Variants in TBC1D14 observed in about 807,000 individuals in gnomAD.
TBC1D14 encodes TBC1 domain family, member 14.
TBC1D14 carries 26 observed loss-of-function variants against 79.0 expected under a neutral mutation model. That is an observed-to-expected ratio of 0.33 (90% CI 0.24 to 0.46). The LOEUF (loss-of-function observed/expected upper bound fraction) is 0.46. Among genes scored for constraint, TBC1D14 ranks in the 20% least tolerant of loss-of-function variants. TBC1D14 has a pLI of 1.00. For missense variants in TBC1D14, 769 were observed against 887.6 expected (o/e 0.87, Z 1.70); for synonymous variants, 394 against 349.9 (o/e 1.13, Z -1.40).
At chr4:6,990,284 A>G (rs535547265) in intron 3 of TBC1D14, among the ~76,000 whole-genome samples, 2 of 152,280 alleles carry the variant, frequency 1.3e-5, no homozygotes, top group Non-Finnish European at 2.9e-5. Flanking sequence ...CCCTGTCTCT[A>G]CTAAAAATAC....
At position 6,996,822 on chromosome 4, in the gene TBC1D14, C is replaced by T. The variant is rs1719102267; in HGVS notation, c.1045+415C>T. Among the ~76,000 whole-genome samples, 4 of 152,208 alleles carry T rather than the reference C, an allele frequency of 2.6e-5. No homozygotes were observed. The South Asian group carries it at 8.3e-4, about 32-fold the overall frequency. On this transcript the variant is annotated intron_variant, in intron 5 of 13. Transcript: ENST00000409757. ...GGTAGCTTTATTCAAGAGAAAAGCA[C>T]TTTGAACTGACGTGAGAAAAGTGAC...
At chr4:7,001,280 C>A in intron 7 of TBC1D14, 29 bp downstream of exon 7, 1 of 1,564,018 alleles carries the variant, frequency 6.4e-7, no homozygotes, top group South Asian at 1.1e-5. Flanking sequence ...CCTGGGGAGT[C>A]CACCTCCAGG....
intron 12 of TBC1D14, among the ~76,000 whole-genome samples, chr4:7,017,907 G>A (rs1330340488): frequency 2.0e-5 from 3 of 152,188 alleles, no homozygotes; most frequent in Non-Finnish European, 4.4e-5. Context: ...CTGACAGTTC[G>A]GTGAAAGCTC....
chr4:6,970,412 A>G (rs1716119303), intron 3 of TBC1D14, among the ~76,000 whole-genome samples: 2 of 152,228 alleles, frequency 1.3e-5, no homozygotes, highest in South Asian at 4.1e-4. Context: ...ACACACACGC[A>G]CTCAGAATAG....
At chr4:6,956,623 C>T (rs761776934) in intron 2 of TBC1D14, among the ~76,000 whole-genome samples, 9 of 152,252 alleles carry the variant, frequency 5.9e-5, no homozygotes, top group Admixed American at 3.3e-4. Context: ...GCCCAGGGAC[C>T]GGGGTTGCTT....
intron 3 of TBC1D14, among the ~76,000 whole-genome samples, chr4:6,984,131 T>A (rs1032735294): frequency 6.9e-6 from 1 of 143,984 alleles, no homozygotes; most frequent in African/African-American, 2.5e-5. Context: ...TGGGGTGGGT[T>A]GGGAAGACTC....
chr4:6,995,959 C>T (rs998584096), intron 4 of TBC1D14, among the ~76,000 whole-genome samples: 39 of 152,218 alleles, frequency 2.6e-4, no homozygotes, highest in African/African-American at 7.7e-4. Flanking sequence ...GCCTCAGCCT[C>T]CTGATTAGCT....
At position 7,014,444 on chromosome 4, in the gene TBC1D14, C is replaced by T; in HGVS notation, c.1648-4C>T. ...TCTGAGTAAATTTCATATTATCTCC[C>T]TAGATGTTGACTTATTTTGCTGCAT... On this transcript the variant is annotated splice_polypyrimidine_tract_variant and splice_region_variant and intron_variant, in intron 11 of 13. Transcript: ENST00000409757. 1 of 1,598,752 alleles carries T rather than the reference C, an allele frequency of 6.3e-7. No homozygotes were observed. Among genetic ancestry groups the T allele is most frequent in the Non-Finnish European group, 8.6e-7 (1 of 1,166,552 alleles).
At chr4:7,004,744 G>A (rs1200929143) in intron 7 of TBC1D14, 100 bp from the exon 8 acceptor site, 2 of 1,098,550 alleles carry the variant, frequency 1.8e-6, no homozygotes, top group Non-Finnish European at 1.4e-6. Context: ...GCCTATTATA[G>A]TTGAACTTAA....
chr4:6,956,182 C>T (rs558531245), intron 2 of TBC1D14, among the ~76,000 whole-genome samples: 3 of 152,254 alleles, frequency 2.0e-5, no homozygotes, highest in Admixed American at 6.5e-5. Flanking sequence ...TTAGAGAATT[C>T]CCCAAACTGT....
At chr4:6,993,623 G>A (rs1014104105) in intron 3 of TBC1D14, among the ~76,000 whole-genome samples, 2 of 152,214 alleles carry the variant, frequency 1.3e-5, no homozygotes, top group Non-Finnish European at 2.9e-5. Context: ...CCTCAAAGGG[G>A]CTGCTTTGAT....
At chr4:6,973,144 T>G (rs1480614773) in intron 3 of TBC1D14, among the ~76,000 whole-genome samples, 1 of 152,218 alleles carries the variant, frequency 6.6e-6, no homozygotes, top group Non-Finnish European at 1.5e-5. Flanking sequence ...GTACATGGCC[T>G]GTTGTGTTAG....
At chr4:6,931,278 G>A (rs1711693819) in intron 2 of TBC1D14, among the ~76,000 whole-genome samples, 1 of 152,212 alleles carries the variant, frequency 6.6e-6, no homozygotes, top group South Asian at 2.1e-4. Flanking sequence ...TTTGTACCAG[G>A]TGGATTTTCA....
chr4:7,009,843 G>T, intron 9 of TBC1D14, 34 bp from the exon 10 acceptor site: 1 of 1,609,374 alleles, frequency 6.2e-7, no homozygotes. Flanking sequence ...CAGTACTCAT[G>T]CATGTGTTGT....
intron 13 of TBC1D14, among the ~76,000 whole-genome samples, chr4:7,026,112 C>T (rs1722345247): frequency 6.6e-6 from 1 of 151,758 alleles, no homozygotes; most frequent in Non-Finnish European, 1.5e-5. Flanking sequence ...GCTCAGGTGA[C>T]CATCCCACCT....
Position 7,010,686 on chromosome 4 carries a change from A to T in TBC1D14, c.1552A>T (p.Ile518Phe), listed in dbSNP as rs778558174. 1.9e-6 allele frequency: 3 copies of T among 1,613,890 alleles called. No homozygotes were observed. In the South Asian group the frequency reaches 3.3e-5, roughly 18 times the overall value. Residue 518 changes from isoleucine to phenylalanine, a missense_variant, in exon 11 of 14, where the codon ATC becomes TTC. Physicochemically the swap from Ile to Phe is conservative, Grantham distance 21 (BLOSUM62 0). Coordinates refer to ENST00000409757, the MANE Select transcript of TBC1D14 (RefSeq NM_020773.3). Reference protein sequence around the residue: ...QGMSFIAAVLILNLDTADAFI... With the variant: ...QGMSFIAAVLFLNLDTADAFI... ...CATGTCCTTCATAGCAGCAGTGTTG[A>T]TCTTGAACTTAGATACTGCAGATGC...
At chr4:7,026,721 A>AC (rs1391968964) in intron 13 of TBC1D14, among the ~76,000 whole-genome samples, 9 of 152,078 alleles carry the variant, frequency 5.9e-5, no homozygotes, top group African/African-American at 2.2e-4. Flanking sequence ...ACATAGTGAG[A>AC]CCCCGTCTCT....
At chr4:7,015,316 C>T (rs16839532) in intron 12 of TBC1D14, among the ~76,000 whole-genome samples, 5,640 of 152,028 alleles carry the variant, frequency 0.037, 358 homozygotes, top group African/African-American at 0.13. Context: ...GAGAAGGCCC[C>T]GTGGAAATAT....
intron 3 of TBC1D14, among the ~76,000 whole-genome samples, chr4:6,984,576 C>T (rs1172392160): frequency 6.6e-6 from 1 of 152,122 alleles, no homozygotes; most frequent in Non-Finnish European, 1.5e-5. Context: ...TTATCAAATA[C>T]TCAAATGATA....
Sources: gnomAD v4.1 joint callset for allele counts (sites outside exome capture counted in the v4.1 genomes callset) on GRCh38, gnomAD v4.1.1 for gene constraint, MANE v1.5 for transcripts, NCBI Gene and HGNC (gene_info 2026-07-23, HGNC 2026-07-21) for gene names.